The following MUCL3 variants were observed in gnomAD, a reference collection of about 807,000 sequenced individuals.
MUCL3 encodes mucin-like protein 3.
A neutral mutation model predicts 70.2 loss-of-function variants in MUCL3; 42 were observed. The observed-to-expected ratio is 0.60, with a 90% confidence interval of 0.47 to 0.77. MUCL3 has a LOEUF of 0.77. Ranked by LOEUF, MUCL3 falls within the 30% of genes least tolerant of loss-of-function variation. The pLI is 0.00. For missense variants in MUCL3, 1,429 were observed against 1,670.0 expected, an observed-to-expected ratio of 0.86 and a Z score of 2.52; for synonymous variants, 522 against 647.0, an observed-to-expected ratio of 0.81 and a Z score of 2.93.
Position 30,952,458 on chromosome 6 carries a change from G to A in MUCL3, c.3994G>A (p.Ala1332Thr). The A allele has an allele frequency of 6.2e-7, 1 of 1,610,844 alleles. No individual in the cohort carries two copies. Among genetic ancestry groups the A allele is most frequent in the Non-Finnish European group, 8.5e-7 (1 of 1,178,688 alleles). The change falls in exon 2 of 3, where the codon GCT (alanine) becomes ACT (threonine). Residue 1332 changes from alanine (A) to threonine (T), a missense_variant. By Grantham distance (58) the Ala-to-Thr change is moderately conservative (BLOSUM62 0). Transcript: ENST00000462446. ...AWAIVIVVLV[A>T]VILLLVFLGL... Reference sequence around the variant, plus strand: ...GGCCATAGTTATTGTGGTCCTGGTGGCTGTGATTCTCCTCCTGGTGTTCCT... The same window carrying A: ...GGCCATAGTTATTGTGGTCCTGGTGACTGTGATTCTCCTCCTGGTGTTCCT...
chr6:30,953,138 C>T lies in MUCL3; in HGVS notation c.*21C>T. ...GGTGATCTTGGAGTAGGCGCCCAGCCCTGGCTCTTCCATGCTCTGCCCCTT... is the reference window on the plus strand; with the variant it reads ...GGTGATCTTGGAGTAGGCGCCCAGCTCTGGCTCTTCCATGCTCTGCCCCTT... On this transcript the variant is annotated 3_prime_UTR_variant, in exon 3 of 3. Coordinates refer to ENST00000462446, the MANE Select transcript of MUCL3 (RefSeq NM_080870.4). 6.2e-7 allele frequency: 1 copy of T among 1,612,454 alleles called. No individual in the cohort carries two copies. Among genetic ancestry groups the T allele is most frequent in the Non-Finnish European group, 8.5e-7 (1 of 1,179,590 alleles).
In MUCL3 at chr6:30,949,625, A is replaced by G; in HGVS notation, c.1161A>G (p.Thr387=). 6.5e-7 allele frequency: 1 copy of G among 1,536,412 alleles called. No homozygotes were observed. Among genetic ancestry groups the G allele is most frequent in the Non-Finnish European group, 8.8e-7 (1 of 1,138,360 alleles). The change falls in exon 2 of 3, where the codon ACA becomes ACG. Residue 387 remains threonine, a synonymous_variant. Transcript: ENST00000462446. ...PAEPTEHGER[T]ANENTTPSPA... Reference sequence around the variant, plus strand: ...AGCCTACAGAACATGGAGAAAGGACAGCCAATGAGAACACTACACCATCCC... The same window carrying G: ...AGCCTACAGAACATGGAGAAAGGACGGCCAATGAGAACACTACACCATCCC...
At chr6:30,946,581 G>A (rs1795791066) in intron 1 of MUCL3, among the ~76,000 whole-genome samples, 1 of 152,170 alleles carries the variant, frequency 6.6e-6, no homozygotes, top group South Asian at 2.1e-4. Flanking sequence ...TTCCCCACCT[G>A]TAAAACAGTA....
intron 2 of MUCL3, 133 bp downstream of exon 2, chr6:30,952,632 G>C: frequency 9.4e-7 from 1 of 1,063,262 alleles, no homozygotes; most frequent in Non-Finnish European, 1.3e-6. Context: ...CAGTAATAGA[G>C]GGAGAGTTTT....
rs1760805320 is a variant in MUCL3 at position 30,953,256 on chromosome 6, G to A, written c.*139G>A. 3 of 1,313,190 alleles carry A rather than the reference G, an allele frequency of 2.3e-6. No homozygotes were observed. The highest frequency in any genetic ancestry group is 1.5e-5 in the African/African-American group (1 of 67,578). The allele number at this position is 1,313,190 out of a possible 1,614,324, so 81.3% of individuals were successfully genotyped here. A position where few individuals can be genotyped will look rare whatever the true frequency, so the allele number is the denominator to read the frequency against. ...GGTTACCAGTATTAACCCTTCATCT[G>A]TTCTTGAAACTGGTTGGGGAATGAG... On this transcript the variant is annotated 3_prime_UTR_variant, in exon 3 of 3. Transcript: ENST00000462446.
chr6:30,942,182 G>A (rs1263702388), intron 1 of MUCL3, among the ~76,000 whole-genome samples: 2 of 152,204 alleles, frequency 1.3e-5, no homozygotes, highest in Non-Finnish European at 2.9e-5. Context: ...CTTACAGTTG[G>A]GAAACATCTC....
At chr6:30,944,162 G>A (rs111469513) in intron 1 of MUCL3, among the ~76,000 whole-genome samples, 25 of 152,158 alleles carry the variant, frequency 1.6e-4, no homozygotes, top group African/African-American at 5.3e-4. Flanking sequence ...CAAGGCATGA[G>A]TTGCTTAGCA....
Position 30,951,740 on chromosome 6 carries a change from G to A in MUCL3, c.3276G>A (p.Ser1092=), listed in dbSNP as rs377451988. ...GPTEHGAKTT[S]ANEKITPSLA... ...CAGAACATGGAGCAAAAACTACGTC[G>A]GCCAATGAGAAGATCACACCATCCC... is the stretch of plus-strand genomic sequence containing the variant. The change falls in exon 2 of 3, where the codon TCG becomes TCA. Residue 1092 remains serine (S), a synonymous_variant. Coordinates refer to ENST00000462446, the MANE Select transcript of MUCL3 (RefSeq NM_080870.4). 1,306 of 1,546,430 alleles carry A rather than the reference G, an allele frequency of 8.4e-4. 5 individuals carry two copies. The highest frequency in any genetic ancestry group is 2.5e-3 in the African/African-American group (176 of 70,924).
In MUCL3 at chr6:30,950,552, C is replaced by T. The variant is rs964346483; in HGVS notation, c.2088C>T (p.Ser696=). The part of the protein sequence containing the change: ...TPFANEKTTS[S]SAEPTEHGER... ...TTGCCAATGAGAAAACCACATCATC[C>T]TCAGCAGAGCCTACAGAACACGGAG... is the stretch of plus-strand genomic sequence containing the variant. The change falls in exon 2 of 3, where the codon TCC becomes TCT. Residue 696 remains serine (S), a synonymous_variant. Coordinates refer to ENST00000462446, the MANE Select transcript of MUCL3 (RefSeq NM_080870.4). 2.6e-6 allele frequency: 4 copies of T among 1,545,258 alleles called. No homozygotes were observed. Among genetic ancestry groups the T allele is most frequent in the Non-Finnish European group, 3.5e-6 (4 of 1,145,862 alleles).
chr6:30,952,664 C>A, intron 2 of MUCL3, 165 bp downstream of exon 2: 1 of 840,652 alleles, frequency 1.2e-6, no homozygotes, highest in Non-Finnish European at 1.8e-6. Context: ...AGGAGAAAGA[C>A]AATAAATACA....
rs1760671391 is a variant in MUCL3 at position 30,951,293 on chromosome 6, A to G, written c.2829A>G (p.Thr943=). The change falls in exon 2 of 3, where the codon ACA becomes ACG. Residue 943 remains threonine, a synonymous_variant. Transcript: ENST00000462446. ...EITTPSRAEP[T]EHGERIANEK... ...CCACACCATCCCGAGCAGAGCCTAC[A>G]GAACATGGAGAAAGGATAGCCAATG... 6.4e-7 allele frequency: 1 copy of G among 1,551,336 alleles called. No homozygotes were observed. Among genetic ancestry groups the G allele is most frequent in the South Asian group, 1.2e-5 (1 of 83,996 alleles).
chr6:30,950,590 T>C lies in MUCL3; in HGVS notation c.2126T>C (p.Leu709Pro). 1 of 1,535,318 alleles carries C rather than the reference T, an allele frequency of 6.5e-7. No individual in the cohort carries two copies. Among genetic ancestry groups the C allele is most frequent in the Non-Finnish European group, 8.7e-7 (1 of 1,143,796 alleles). The change falls in exon 2 of 3, where the codon CTG becomes CCG. Residue 709 changes from leucine (L) to proline (P), a missense_variant. By Grantham distance (98) the Leu-to-Pro change is moderately conservative. Coordinates refer to ENST00000462446, the MANE Select transcript of MUCL3 (RefSeq NM_080870.4). ...ACAGAACACGGAGAAAGGACCCCAC[T>C]GGCCAATGAGAACACCACACTATCC... ...EPTEHGERTP[L>P]ANENTTLSPA...
chr6:30,943,089 C>A (rs1039369958), intron 1 of MUCL3, among the ~76,000 whole-genome samples: 4 of 152,068 alleles, frequency 2.6e-5, no homozygotes, highest in Non-Finnish European at 4.4e-5. Context: ...AGAGAGAGGC[C>A]AGGGCAGGAA....
rs1270958478 is a variant in MUCL3 at position 30,950,808 on chromosome 6, G to C, written c.2344G>C (p.Glu782Gln). Residue 782 changes from glutamate (E) to glutamine (Q), a missense_variant, in exon 2 of 3, where the codon GAA (glutamate) becomes CAA (glutamine). Glu to Gln is a conservative substitution (Grantham distance 29). Transcript: ENST00000462446. ...KTTPSLAEPT[E>Q]NGKRTPFANE... ...CACACCATCTCTAGCAGAGCCTACA[G>C]AAAATGGAAAAAGGACCCCATTTGC... 1.9e-5 allele frequency: 29 copies of C among 1,549,474 alleles called. No individual in the cohort carries two copies. Among genetic ancestry groups the C allele is most frequent in the Non-Finnish European group, 2.5e-5 (29 of 1,146,834 alleles).
intron 1 of MUCL3, among the ~76,000 whole-genome samples, chr6:30,947,497 T>C (rs1795825556): frequency 6.6e-6 from 1 of 152,034 alleles, no homozygotes; most frequent in Admixed American, 6.6e-5. Context: ...ACACTATCTC[T>C]TTCACTCTTT....
At chr6:30,945,471 C>CT (rs1356100325) in intron 1 of MUCL3, among the ~76,000 whole-genome samples, 1 of 86,718 alleles carries the variant, frequency 1.2e-5, no homozygotes, top group African/African-American at 4.7e-5. Context: ...GACCCTGCGT[C>CT]TTAAAAAAAA....
chr6:30,951,365 G>T lies in MUCL3; in HGVS notation c.2901G>T (p.Thr967=). 2 of 1,540,536 alleles carry T rather than the reference G, an allele frequency of 1.3e-6. No homozygotes were observed. The highest frequency in any genetic ancestry group is 1.8e-6 in the Non-Finnish European group (2 of 1,142,826). The part of the protein sequence containing the change: ...SPAKPTEHGE[T]TVNEDTTPSS... ...CAAAGCCTACAGAACATGGAGAAAC[G>T]ACAGTCAATGAGGACACCACACCAT... is the stretch of plus-strand genomic sequence containing the variant. The change falls in exon 2 of 3, where the codon ACG becomes ACT. Residue 967 remains threonine (T), a synonymous_variant. Transcript: ENST00000462446.
In MUCL3 at chr6:30,952,443, A is replaced by G; in HGVS notation, c.3979A>G (p.Ile1327Val). The G allele has an allele frequency of 6.2e-7, 1 of 1,613,130 alleles. No homozygotes were observed. Among genetic ancestry groups the G allele is most frequent in the Non-Finnish European group, 8.5e-7 (1 of 1,179,712 alleles). Residue 1327 changes from isoleucine (I) to valine (V), a missense_variant, in exon 2 of 3, where the codon ATT (isoleucine) becomes GTT (valine). Coordinates refer to ENST00000462446, the MANE Select transcript of MUCL3 (RefSeq NM_080870.4). The part of the protein sequence containing the change: ...NDSFPAWAIV[I>V]VVLVAVILLL... ...TTCATTCCCTGCATGGGCCATAGTT[A>G]TTGTGGTCCTGGTGGCTGTGATTCT...
rs559708429 is a variant in MUCL3 at position 30,948,717 on chromosome 6, C to T, written c.253C>T (p.Arg85Cys). The T allele has an allele frequency of 3.1e-5, 48 of 1,551,654 alleles. No individual in the cohort carries two copies. In the African/African-American group the frequency reaches 4.6e-4, roughly 15 times the overall value. ...ATCTACAGAAATCCATGAGCAAAAA[C>T]GCCACTGCAACACCACACGCCATTC... ...PKSTEIHEQKRHCNTTRHSKP... is the reference protein window; with the variant it reads ...PKSTEIHEQKCHCNTTRHSKP... The change falls in exon 2 of 3, where the codon CGC becomes TGC. Residue 85 changes from arginine to cysteine, a missense_variant. By Grantham distance (180) the Arg-to-Cys change is radical. Transcript: ENST00000462446.
Sources: gnomAD v4.1 joint callset for allele counts (sites outside exome capture counted in the v4.1 genomes callset) on GRCh38, gnomAD v4.1.1 for gene constraint, MANE v1.5 for transcripts, NCBI Gene and HGNC (gene_info 2026-07-23, HGNC 2026-07-21) for gene names.